PACRG: variants seen among roughly 807,000 people sequenced by gnomAD.
PACRG encodes parkin coregulated gene protein.
PACRG carries 29 observed loss-of-function variants against 29.7 expected under a neutral mutation model. The ratio of observed to expected loss-of-function variants is 0.98; its 90% CI spans 0.73 to 1.33. The LOEUF is 1.33. Ranked by LOEUF, PACRG falls within the 40% of genes most tolerant of loss-of-function variation. The pLI is 0.00. For missense variants in PACRG, 279 were observed against 316.2 expected (o/e 0.88, Z 0.89); for synonymous variants, 116 against 118.7 (o/e 0.98, Z 0.15).
chr6:162,972,168 T>C (rs1801588436), intron 2 of PACRG, among the ~76,000 whole-genome samples: 1 of 152,184 alleles, frequency 6.6e-6, no homozygotes, highest in Non-Finnish European at 1.5e-5. Context: ...AGACCTGGCT[T>C]CCCTTATCTA....
intron 3 of PACRG, among the ~76,000 whole-genome samples, chr6:163,068,890 T>A (rs1811792765): frequency 1.3e-5 from 2 of 151,136 alleles, no homozygotes; most frequent in South Asian, 4.2e-4. Flanking sequence ...GGGTGGGGGG[T>A]ATTTAGCAGT....
chr6:163,084,553 T>G (rs889916209), intron 3 of PACRG, among the ~76,000 whole-genome samples: 1 of 152,258 alleles, frequency 6.6e-6, no homozygotes, highest in South Asian at 2.1e-4. Flanking sequence ...TTAGAGCCAT[T>G]ACCTGTCCAT....
rs190612172 is a variant in PACRG at position 162,873,644 on chromosome 6, G to A, written c.291+59363G>A. Among the ~76,000 whole-genome samples, 4 of 152,112 alleles carry A rather than the reference G, an allele frequency of 2.6e-5. No homozygotes were observed. In the East Asian group the frequency reaches 7.8e-4, roughly 30 times the overall value. ...AGCAAACCAGGATGACCCTCTTAGA[G>A]CCCAACTAGATCCTAAATGTCATTA... is the stretch of plus-strand genomic sequence containing the variant. On this transcript the variant is annotated intron_variant, in intron 2 of 4. Transcript: ENST00000366888.
At chr6:163,271,146 C>G (rs993166239) in intron 4 of PACRG, among the ~76,000 whole-genome samples, 5 of 152,146 alleles carry the variant, frequency 3.3e-5, no homozygotes, top group African/African-American at 1.2e-4. Flanking sequence ...GGGCAGGAAG[C>G]TTCCAGCACG....
chr6:162,784,672 A>G (rs896573790), intron 1 of PACRG, among the ~76,000 whole-genome samples: 2 of 152,216 alleles, frequency 1.3e-5, no homozygotes. Flanking sequence ...CAGATACAGA[A>G]GACTGAGAAG....
intron 4 of PACRG, among the ~76,000 whole-genome samples, chr6:163,124,531 A>C (rs1273857743): frequency 6.6e-6 from 1 of 152,220 alleles, no homozygotes; most frequent in African/African-American, 2.4e-5. Flanking sequence ...TAGGAATATA[A>C]CATTATTTTA....
chr6:162,886,960 T>G (rs1158176321), intron 2 of PACRG, among the ~76,000 whole-genome samples: 2 of 152,180 alleles, frequency 1.3e-5, no homozygotes, highest in Non-Finnish European at 2.9e-5. Flanking sequence ...CAGGCTGGAG[T>G]ACAGTGGTGT....
At chr6:163,292,602 A>ATTTATTTATTTATTTATTTATTTATTTG (rs35254999) in intron 4 of PACRG, among the ~76,000 whole-genome samples, 14 of 150,040 alleles carry the variant, frequency 9.3e-5, no homozygotes. Context: ...TTATTTATTT[A>ATTTATTTATTTATTTATTTATTTATTTG]TTAGTAGAGA....
At chr6:162,953,402 C>T (rs1221489851) in intron 2 of PACRG, among the ~76,000 whole-genome samples, 1 of 152,016 alleles carries the variant, frequency 6.6e-6, no homozygotes, top group African/African-American at 2.4e-5. Flanking sequence ...GTAGATCAGT[C>T]TCTGGAAGAA....
At chr6:163,296,312 A>G (rs1239664025) in intron 4 of PACRG, among the ~76,000 whole-genome samples, 1 of 151,556 alleles carries the variant, frequency 6.6e-6, no homozygotes, top group African/African-American at 2.4e-5. Flanking sequence ...TTTTTTTGAG[A>G]CGGAATCTCG....
At chr6:163,280,333 C>A (rs772675409) in intron 4 of PACRG, among the ~76,000 whole-genome samples, 1 of 152,166 alleles carries the variant, frequency 6.6e-6, no homozygotes, top group Non-Finnish European at 1.5e-5. Flanking sequence ...CTTGAGCTGG[C>A]CCCACCTGTC....
chr6:163,006,122 C>T (rs1805076120), intron 2 of PACRG, among the ~76,000 whole-genome samples: 2 of 121,774 alleles, frequency 1.6e-5, no homozygotes, highest in South Asian at 2.5e-4. Flanking sequence ...GAAACAAAAC[C>T]CATATATATT....
intron 2 of PACRG, among the ~76,000 whole-genome samples, chr6:162,851,509 T>C (rs921247767): frequency 6.6e-6 from 1 of 152,238 alleles, no homozygotes; most frequent in South Asian, 2.1e-4. Context: ...AATACAAATA[T>C]TGACATTTAA....
At chr6:162,969,306 A>G (rs533970531) in intron 2 of PACRG, among the ~76,000 whole-genome samples, 1 of 152,120 alleles carries the variant, frequency 6.6e-6, no homozygotes, top group East Asian at 1.9e-4. Flanking sequence ...GTTTCAAGGG[A>G]TTGGTGAGAA....
chr6:163,299,250 C>A (rs1239262345), intron 4 of PACRG, among the ~76,000 whole-genome samples: 1 of 152,214 alleles, frequency 6.6e-6, no homozygotes, highest in African/African-American at 2.4e-5. Flanking sequence ...TATCCTCCGA[C>A]TGGGAAGCCA....
intron 4 of PACRG, among the ~76,000 whole-genome samples, chr6:163,209,842 C>T (rs938587325): frequency 6.6e-6 from 1 of 152,184 alleles, no homozygotes; most frequent in Non-Finnish European, 1.5e-5. Context: ...TTTACCTTCA[C>T]ATTCTTTCTT....
Position 162,847,128 on chromosome 6 carries a change from TGATGCTCCCCACACTGA to T in PACRG, c.291+32848_291+32864del, listed in dbSNP as rs1389647174. On this transcript the variant is annotated intron_variant, in intron 2 of 4. Transcript: ENST00000366888. ...ACTGTCCACTGTGCTCCCCACACTG[TGATGCTCCCCACACTGA>T]CTCCAGAGCTTCACACACTGACCAC... Among the ~76,000 whole-genome samples, 118 of 151,296 alleles carry T rather than the reference TGATGCTCCCCACACTGA, an allele frequency of 7.8e-4. No homozygotes were observed. In the East Asian group the frequency reaches 0.016, roughly 21 times the overall value.
intron 2 of PACRG, among the ~76,000 whole-genome samples, chr6:162,877,426 G>C (rs1214974094): frequency 6.6e-6 from 1 of 151,914 alleles, no homozygotes; most frequent in Non-Finnish European, 1.5e-5. Context: ...CACACACCAG[G>C]GCCTGTTGGG....
At chr6:163,261,256 T>A (rs1450674406) in intron 4 of PACRG, among the ~76,000 whole-genome samples, 3 of 152,144 alleles carry the variant, frequency 2.0e-5, no homozygotes, top group Non-Finnish European at 2.9e-5. Flanking sequence ...TCTATTTTTT[T>A]AATTTTACTT....
Sources: gnomAD v4.1 joint callset for allele counts (sites outside exome capture counted in the v4.1 genomes callset) on GRCh38, gnomAD v4.1.1 for gene constraint, MANE v1.5 for transcripts, NCBI Gene and HGNC (gene_info 2026-07-23, HGNC 2026-07-21) for gene names.